The following GABBR2 variants were observed in gnomAD, a reference collection of about 807,000 sequenced individuals.
GABBR2 encodes gamma-aminobutyric acid type B receptor subunit 2, also known as G-protein coupled receptor 51.
In GABBR2, 23 loss-of-function variants were observed where a neutral mutation model predicts 105.6. The ratio of observed to expected loss-of-function variants is 0.22; its 90% CI spans 0.16 to 0.31. The LOEUF is 0.31. GABBR2 is among the 10% of genes least tolerant of loss of function. The probability of loss-of-function intolerance (pLI) is 1.00; values close to 1 mark genes in which losing one functional copy is unlikely to be tolerated. For missense variants in GABBR2, 734 were observed against 1,245.5 expected (o/e 0.59, Z 6.18); for synonymous variants, 478 against 499.7 (o/e 0.96, Z 0.58).
At chr9:98,640,395 TA>T (rs1393302921) in intron 1 of GABBR2, among the ~76,000 whole-genome samples, 2 of 152,070 alleles carry the variant, frequency 1.3e-5, no homozygotes, top group Non-Finnish European at 2.9e-5. Flanking sequence ...AAAGACACAG[TA>T]AACCTGCTGG....
chr9:98,481,962 A>G (rs1167817471), intron 4 of GABBR2, among the ~76,000 whole-genome samples: 3 of 152,108 alleles, frequency 2.0e-5, no homozygotes, highest in Non-Finnish European at 2.9e-5. Flanking sequence ...TTTCTGGGGC[A>G]TTGGGATCCA....
intron 15 of GABBR2, among the ~76,000 whole-genome samples, chr9:98,303,703 GC>G (rs886431281): frequency 2.2e-4 from 34 of 152,326 alleles, no homozygotes; most frequent in African/African-American, 7.9e-4. Flanking sequence ...CCCAACCAGG[GC>G]CCCCGAGGCC....
At chr9:98,486,022 G>C (rs940826461) in intron 4 of GABBR2, among the ~76,000 whole-genome samples, 10 of 152,178 alleles carry the variant, frequency 6.6e-5, no homozygotes, top group African/African-American at 2.4e-4. Flanking sequence ...GTGGGGCCAG[G>C]CTAAACTGGT....
chr9:98,483,334 C>G (rs189137307), intron 4 of GABBR2, among the ~76,000 whole-genome samples: 1 of 152,270 alleles, frequency 6.6e-6, no homozygotes, highest in Non-Finnish European at 1.5e-5. Flanking sequence ...ACTCAGTGAA[C>G]AGCAACAGCC....
chr9:98,611,207 C>T (rs1829500913), intron 1 of GABBR2, among the ~76,000 whole-genome samples: 1 of 152,162 alleles, frequency 6.6e-6, no homozygotes, highest in African/African-American at 2.4e-5. Flanking sequence ...TCAATGCCAC[C>T]CCCTGCCTCC....
At chr9:98,614,324 G>A (rs1829548707) in intron 1 of GABBR2, among the ~76,000 whole-genome samples, 1 of 152,160 alleles carries the variant, frequency 6.6e-6, no homozygotes, top group African/African-American at 2.4e-5. Flanking sequence ...AGAAGTTCGA[G>A]ACCAGCCTGG....
intron 13 of GABBR2, among the ~76,000 whole-genome samples, chr9:98,317,687 C>T (rs1240118928): frequency 6.6e-6 from 1 of 152,172 alleles, no homozygotes; most frequent in Non-Finnish European, 1.5e-5. Flanking sequence ...GAAATCGACT[C>T]CATGAGGATT....
chr9:98,393,427 C>T (rs1832231079), intron 9 of GABBR2, among the ~76,000 whole-genome samples: 1 of 151,492 alleles, frequency 6.6e-6, no homozygotes, highest in Non-Finnish European at 1.5e-5. Flanking sequence ...GCCCAACCTT[C>T]CATCCATCCA....
intron 1 of GABBR2, among the ~76,000 whole-genome samples, chr9:98,705,293 G>A (rs1674392762): frequency 6.6e-6 from 1 of 152,220 alleles, no homozygotes; most frequent in South Asian, 2.1e-4. Flanking sequence ...CCAACACATG[G>A]CATTGAGTGA....
At chr9:98,596,224 T>C (rs1829231873) in intron 1 of GABBR2, among the ~76,000 whole-genome samples, 1 of 152,258 alleles carries the variant, frequency 6.6e-6, no homozygotes, top group Admixed American at 6.5e-5. Flanking sequence ...GTTTACATTA[T>C]GCTGTTATGG....
intron 1 of GABBR2, among the ~76,000 whole-genome samples, chr9:98,632,666 C>A (rs1036487524): frequency 6.6e-6 from 1 of 152,206 alleles, no homozygotes; most frequent in Non-Finnish European, 1.5e-5. Context: ...ATCTAGTCAA[C>A]AGTCTCAGCT....
intron 1 of GABBR2, among the ~76,000 whole-genome samples, chr9:98,664,024 A>C (rs1419289444): frequency 6.6e-6 from 1 of 152,174 alleles, no homozygotes; most frequent in Admixed American, 6.5e-5. Context: ...TAATGAGTCT[A>C]CTAGGTCCAC....
chr9:98,390,643 C>G (rs10118761), intron 9 of GABBR2, among the ~76,000 whole-genome samples: 22,201 of 151,646 alleles, frequency 0.15, 2,031 homozygotes, highest in African/African-American at 0.25. Context: ...GAAAGCTCAC[C>G]ATCTGGAAGC....
intron 1 of GABBR2, among the ~76,000 whole-genome samples, chr9:98,610,781 G>GA (rs574843345): frequency 1.3e-3 from 184 of 143,568 alleles, no homozygotes; most frequent in Admixed American, 1.5e-3. Flanking sequence ...AGGACTGTGA[G>GA]AAAAAAAAAA....
Position 98,376,205 on chromosome 9 carries a change from C to T in GABBR2, c.1663-4634G>A, listed in dbSNP as rs4743219. Among the ~76,000 whole-genome samples, 1,392 of 152,344 alleles carry T rather than the reference C, an allele frequency of 9.1e-3. 64 individuals carry two copies. Among genetic ancestry groups the T allele is most frequent in the Admixed American group, 0.066 (1,003 of 15,302 alleles). On this transcript the variant is annotated intron_variant, in intron 11 of 18. Transcript: ENST00000259455. ...TGCCCAGAACAATTCTGCTCAGCCG[C>T]TTGCTCCATTGATTTCATGAAGCAT...
chr9:98,506,887 G>A (rs112212915), intron 3 of GABBR2, among the ~76,000 whole-genome samples: 1 of 152,154 alleles, frequency 6.6e-6, no homozygotes, highest in South Asian at 2.1e-4. Context: ...AATGCCAGCT[G>A]TCAGCACTAT....
At chr9:98,612,389 C>T (rs944736393) in intron 1 of GABBR2, among the ~76,000 whole-genome samples, 6 of 152,156 alleles carry the variant, frequency 3.9e-5, no homozygotes, top group African/African-American at 1.4e-4. Context: ...TGGAGCTGTC[C>T]AGGTGTTAGA....
At chr9:98,549,712 C>A (rs1241365207) in intron 2 of GABBR2, among the ~76,000 whole-genome samples, 1 of 152,206 alleles carries the variant, frequency 6.6e-6, no homozygotes, top group Non-Finnish European at 1.5e-5. Flanking sequence ...CCAGGCTAAA[C>A]CTGGATCACC....
At chr9:98,417,244 G>A (rs1301530446) in intron 7 of GABBR2, among the ~76,000 whole-genome samples, 2 of 152,186 alleles carry the variant, frequency 1.3e-5, no homozygotes, top group Non-Finnish European at 2.9e-5. Context: ...GAGCTACGAA[G>A]GAGAGAGAAT....
Sources: allele counts gnomAD v4.1 joint callset (sites outside exome capture counted in the v4.1 genomes callset), GRCh38; gene constraint gnomAD v4.1.1; transcripts MANE v1.5; gene names NCBI Gene and HGNC (gene_info 2026-07-23, HGNC 2026-07-21).